The following PPP1R12A variants were observed in gnomAD, a reference collection of about 807,000 sequenced individuals.
PPP1R12A encodes protein phosphatase 1 regulatory subunit 12A, also known as myosin binding subunit.
Under a neutral mutation model 139.6 loss-of-function variants are expected in PPP1R12A, and 19 were observed. The observed-to-expected ratio is 0.14, with a 90% confidence interval of 0.09 to 0.20. PPP1R12A has a LOEUF of 0.20. Ranked by LOEUF, PPP1R12A falls within the 10% of genes least tolerant of loss-of-function variation. The probability of loss-of-function intolerance (pLI) is 1.00; values close to 1 mark genes in which losing one functional copy is unlikely to be tolerated. For missense variants in PPP1R12A, 925 were observed against 1,211.5 expected (o/e 0.76, Z 3.51); for synonymous variants, 427 against 420.6 (o/e 1.02, Z -0.19).
intron 2 of PPP1R12A, among the ~76,000 whole-genome samples, chr12:79,870,509 A>G (rs1779433871): frequency 6.6e-6 from 1 of 152,224 alleles, no homozygotes; most frequent in Non-Finnish European, 1.5e-5. Flanking sequence ...TGCCTTTTAT[A>G]AAAACAGTCA....
intron 13 of PPP1R12A, 109 bp downstream of exon 13, chr12:79,806,057 T>G: frequency 1.5e-6 from 2 of 1,372,986 alleles, no homozygotes; most frequent in South Asian, 1.5e-5. Flanking sequence ...GCAAATAAAT[T>G]TAACAAGATA....
chr12:79,851,773 T>C (rs911505659), intron 2 of PPP1R12A, among the ~76,000 whole-genome samples: 2 of 152,228 alleles, frequency 1.3e-5, no homozygotes, highest in African/African-American at 4.8e-5. Context: ...GGCATAGATG[T>C]TTGCTCTTTT....
intron 2 of PPP1R12A, among the ~76,000 whole-genome samples, chr12:79,853,730 A>G (rs1021398226): frequency 2.6e-5 from 4 of 152,224 alleles, no homozygotes; most frequent in Non-Finnish European, 5.9e-5. Context: ...AAAACCATGT[A>G]TTTATTAAAA....
chr12:79,847,446 T>C (rs1215267402), intron 2 of PPP1R12A, among the ~76,000 whole-genome samples: 1 of 152,226 alleles, frequency 6.6e-6, no homozygotes, highest in East Asian at 1.9e-4. Context: ...TGATTACACA[T>C]GAGACTGAAA....
rs1336087077 is a variant in PPP1R12A, at chr12:79,775,889, CTAA to C, written c.*37_*39del. The stretch of plus-strand genomic sequence containing the variant: ...CTGCCAATTATGGTCCACTGGGTTA[CTAA>C]TATGTGCAATTCCATTACTTGCTGC... On this transcript the variant is annotated 3_prime_UTR_variant, in exon 25 of 25. Coordinates refer to ENST00000450142, the MANE Select transcript of PPP1R12A (RefSeq NM_002480.3). 3 of 1,406,872 alleles carry C rather than the reference CTAA, an allele frequency of 2.1e-6. No individual in the cohort carries two copies. The African/African-American group carries it at 4.4e-5, about 21-fold the overall frequency. The allele number at this position is 1,406,872 out of a possible 1,614,324, so 87.1% of individuals were successfully genotyped here. A position where few individuals can be genotyped will look rare whatever the true frequency, so the allele number is the denominator to read the frequency against.
At chr12:79,829,668 T>C (rs1877185281) in intron 4 of PPP1R12A, among the ~76,000 whole-genome samples, 1 of 151,818 alleles carries the variant, frequency 6.6e-6, no homozygotes, top group African/African-American at 2.4e-5. Flanking sequence ...CAAAGAAATA[T>C]CTCCACTGAT....
At chr12:79,792,626 G>T (rs2137012909) in intron 19 of PPP1R12A, among the ~76,000 whole-genome samples, 1 of 152,184 alleles carries the variant, frequency 6.6e-6, no homozygotes, top group African/African-American at 2.4e-5. Flanking sequence ...GATTTTAACA[G>T]TAAAACTTAA....
At chr12:79,935,337 G>C, upstream of PPP1R12A, 1 of 1,025,580 alleles carries the variant, frequency 9.8e-7, no homozygotes, top group Non-Finnish European at 1.2e-6. Context: ...CCCAGGCAGC[G>C]GGGGCTGGGA....
Position 79,853,865 on chromosome 12 carries a change from C to A in PPP1R12A, c.369-8445G>T, listed in dbSNP as rs1880329369. 2.0e-5 allele frequency among the ~76,000 whole-genome samples: 3 copies of A among 152,156 alleles called. No individual in the cohort carries two copies. In the South Asian group the frequency reaches 6.2e-4, roughly 31 times the overall value. On this transcript the variant is annotated intron_variant, in intron 2 of 24. Coordinates refer to ENST00000450142, the MANE Select transcript of PPP1R12A (RefSeq NM_002480.3). Reference sequence around the variant, plus strand: ...CTACACATTTTAATGTCATTGAAATCTTTTACAATCAATGAATCTTAAAAT... The same window carrying A: ...CTACACATTTTAATGTCATTGAAATATTTTACAATCAATGAATCTTAAAAT...
intron 22 of PPP1R12A, among the ~76,000 whole-genome samples, chr12:79,783,471 T>TA (rs758086240): frequency 6.6e-6 from 1 of 151,662 alleles, no homozygotes; most frequent in South Asian, 2.1e-4. Context: ...CTGTATCCAT[T>TA]AAAAAAAATA....
chr12:79,776,862 A>G (rs1449671087), intron 24 of PPP1R12A, among the ~76,000 whole-genome samples: 1 of 152,154 alleles, frequency 6.6e-6, no homozygotes, highest in Non-Finnish European at 1.5e-5. Context: ...CATACTTTCC[A>G]AAATAGTCCT....
chr12:79,919,854 T>A, intron 1 of PPP1R12A, among the ~76,000 whole-genome samples: 1 of 152,188 alleles, frequency 6.6e-6, no homozygotes, highest in Non-Finnish European at 1.5e-5. Flanking sequence ...TAGTAAACAC[T>A]GATAAATATA....
chr12:79,922,993 G>C (rs1304871348), intron 1 of PPP1R12A, among the ~76,000 whole-genome samples: 2 of 152,278 alleles, frequency 1.3e-5, no homozygotes, highest in East Asian at 3.9e-4. Flanking sequence ...ACATGGTATA[G>C]GCCAGGTGCG....
In PPP1R12A at chr12:79,925,843, G is replaced by GA. The variant is rs1029852154; in HGVS notation, c.237+8851dup. ...GGAGCCATAGTAAAAATGTTATTTGGAAAAAAAAAGTATCAGTAAAATAAC... is the reference window on the plus strand; with the variant it reads ...GGAGCCATAGTAAAAATGTTATTTGGAAAAAAAAAAGTATCAGTAAAATAAC... On this transcript the variant is annotated intron_variant, in intron 1 of 24. Transcript: ENST00000450142. Among the ~76,000 whole-genome samples the GA allele has an allele frequency of 1.7e-4, 26 of 150,640 alleles. 1 individual carries two copies. Among genetic ancestry groups the GA allele is most frequent in the Admixed American group, 6.6e-4 (10 of 15,114 alleles).
At chr12:79,801,239 G>A (rs1396208634) in intron 14 of PPP1R12A, among the ~76,000 whole-genome samples, 46 of 101,328 alleles carry the variant, frequency 4.5e-4, no homozygotes, top group Non-Finnish European at 1.0e-4. Flanking sequence ...TAGCTACTCA[G>A]GAGGCTGAGG....
intron 8 of PPP1R12A, 84 bp downstream of exon 8, chr12:79,820,689 GA>G: frequency 1.4e-6 from 2 of 1,470,208 alleles, no homozygotes; most frequent in Non-Finnish European, 9.2e-7. Flanking sequence ...AAATCAGTCT[GA>G]AAAATTTAAA....
intron 2 of PPP1R12A, among the ~76,000 whole-genome samples, chr12:79,845,875 C>T (rs537055407): frequency 0.013 from 137 of 10,260 alleles, no homozygotes; most frequent in Non-Finnish European, 0.12. Context: ...AATGTACACA[C>T]GTTGCTTTAC....
At chr12:79,927,723 G>A (rs1307362108) in intron 1 of PPP1R12A, among the ~76,000 whole-genome samples, 1 of 152,204 alleles carries the variant, frequency 6.6e-6, no homozygotes, top group East Asian at 1.9e-4. Context: ...GAAAAAGCAT[G>A]TTGTGAAAAT....
intron 1 of PPP1R12A, among the ~76,000 whole-genome samples, chr12:79,915,331 TA>T (rs1886909036): frequency 6.6e-6 from 1 of 152,168 alleles, no homozygotes; most frequent in African/African-American, 2.4e-5. Context: ...TCTGTAGAAC[TA>T]ACTTTGTTAT....
Sources: gnomAD v4.1 joint callset for allele counts (sites outside exome capture counted in the v4.1 genomes callset) on GRCh38, gnomAD v4.1.1 for gene constraint, MANE v1.5 for transcripts, NCBI Gene and HGNC (gene_info 2026-07-23, HGNC 2026-07-21) for gene names.